Variants in KIF1A observed in about 807,000 individuals in gnomAD.
KIF1A encodes kinesin family member 1A.
A neutral mutation model predicts 227.3 loss-of-function variants in KIF1A; 46 were observed. That is an observed-to-expected ratio of 0.20 (90% confidence interval 0.16 to 0.26). The LOEUF is 0.26. Ranked by LOEUF, KIF1A falls within the 10% of genes least tolerant of loss-of-function variation. KIF1A has a pLI of 1.00. For missense variants in KIF1A, 1,683 were observed against 2,485.9 expected (o/e 0.68, Z 6.87); for synonymous variants, 1,022 against 1,012.8 (o/e 1.01, Z -0.17).
At chr2:240,803,254 A>C (rs1414904540) in intron 1 of KIF1A, among the ~76,000 whole-genome samples, 1 of 152,222 alleles carries the variant, frequency 6.6e-6, no homozygotes, top group Non-Finnish European at 1.5e-5. Context: ...AAGGTAGCTA[A>C]AGCCGGACTG....
rs1445448033 is a variant in KIF1A at position 240,774,272 on chromosome 2, A to G, written c.959-11T>C. The G allele has an allele frequency of 6.2e-7, 1 of 1,602,308 alleles. No homozygotes were observed. The highest frequency in any genetic ancestry group is 8.5e-7 in the Non-Finnish European group (1 of 1,170,074). ...TCCTTGAGTTACCGCCTGTGGGAAG[A>G]AGACCAGGTTGTGCCCAGAGGGGGA... is the stretch of plus-strand genomic sequence containing the variant. On this transcript the variant is annotated splice_polypyrimidine_tract_variant and intron_variant, in intron 11 of 48. Transcript: ENST00000498729.
rs1023822787 is a variant in KIF1A, at chr2:240,793,547, T to C, written c.106+4100A>G. Among the ~76,000 whole-genome samples, 1 of 152,020 alleles carries C rather than the reference T, an allele frequency of 6.6e-6. No individual in the cohort carries two copies. Among genetic ancestry groups the C allele is most frequent in the African/African-American group, 2.4e-5 (1 of 41,376 alleles). ...GTCCTCCGGTCCTCAGGGCAGAGAA[T>C]GTGAGGAGAGAGGAGGAGGACGGAA... On this transcript the variant is annotated intron_variant, in intron 2 of 48. Transcript: ENST00000498729. This position sits in a 1 kb window ranked among gnomAD's most constrained non-coding sequence, Gnocchi z 4.8.
intron 18 of KIF1A, 76 bp downstream of exon 18, chr2:240,767,190 G>A (rs1008614767): frequency 5.4e-6 from 7 of 1,308,320 alleles, no homozygotes; most frequent in South Asian, 2.5e-5. Flanking sequence ...GCAGAAGCAG[G>A]AATGGGGAGT....
intron 38 of KIF1A, 66 bp from the exon 39 acceptor site, chr2:240,727,006 C>G (rs1180625249): frequency 1.1e-6 from 1 of 923,970 alleles, no homozygotes; most frequent in Non-Finnish European, 1.7e-6. Flanking sequence ...AGGCCGGGGA[C>G]ATGCAGACAG....
intron 1 of KIF1A, among the ~76,000 whole-genome samples, chr2:240,815,860 G>A (rs1380032893): frequency 2.0e-5 from 3 of 152,188 alleles, no homozygotes; most frequent in African/African-American, 7.2e-5. Flanking sequence ...CTGGCTCAGT[G>A]GGGTCCGAGC....
In KIF1A at chr2:240,786,429, G is replaced by A. The variant is rs2126071499; in HGVS notation, c.514C>T (p.Pro172Ser). ...NKGNLRVREH[P>S]LLGPYVEDLS... is the part of the protein sequence containing the mutation. ...TCCTCCACGTAGGGCCCCAGCAGTG[G>A]GTGCTCCCTCACGCGAAGGTTGCCC... Residue 172 changes from proline to serine, a missense_variant, in exon 6 of 49, where the codon CCA becomes TCA. Pro to Ser is a moderately conservative substitution (Grantham distance 74). Transcript: ENST00000498729. The A allele has an allele frequency of 6.2e-7, 1 of 1,613,668 alleles. No individual in the cohort carries two copies.
chr2:240,747,314 T>G lies in KIF1A; in HGVS notation c.2985A>C (p.Glu995Asp). 6.2e-7 allele frequency: 1 copy of G among 1,612,944 alleles called. No homozygotes were observed. The highest frequency in any genetic ancestry group is 8.5e-7 in the Non-Finnish European group (1 of 1,179,266). ...CGCCAGAGCCATAATCAGGGGCCTC[T>G]TCATCGGCTGCAGGAGAAACAGAGC... ...RVAVQAISADEEAPDYGSGVR... is the reference protein window; with the variant it reads ...RVAVQAISADDEAPDYGSGVR... Residue 995 changes from glutamate (E) to aspartate (D), a missense_variant, in exon 29 of 49, where the codon GAA (glutamate) becomes GAC (aspartate). Physicochemically the swap from Glu to Asp is conservative, Grantham distance 45. This residue lies in a region of KIF1A where 759 missense variants were observed against 1,020.2 expected (regional missense o/e 0.74). Transcript: ENST00000498729.
chr2:240,788,212 C>T lies in KIF1A; in HGVS notation c.202G>A (p.Ala68Thr), dbSNP rs761950783. Residue 68 changes from alanine to threonine, a missense_variant, in exon 4 of 49, where the codon GCG becomes ACG. Coordinates refer to ENST00000498729, the MANE Select transcript of KIF1A (RefSeq NM_001244008.2). The surrounding 1 kb of genome is among the most constrained non-coding windows in gnomAD (Gnocchi z 6.6). ...SHTSPEDINY[A>T]SQKQVYRDIG... Reference sequence around the variant, plus strand: ...TCCCGGTACACCTGCTTCTGCGACGCGTAGTTGATGTCCTCAGGCTGGAGG... The same window carrying T: ...TCCCGGTACACCTGCTTCTGCGACGTGTAGTTGATGTCCTCAGGCTGGAGG... The T allele has an allele frequency of 1.2e-5, 20 of 1,613,698 alleles. No individual in the cohort carries two copies. Among genetic ancestry groups the T allele is most frequent in the South Asian group, 5.5e-5 (5 of 91,054 alleles).
chr2:240,766,079 TC>T lies in KIF1A; in HGVS notation c.1685-287del, dbSNP rs1171017524. Among the ~76,000 whole-genome samples, 8 of 152,166 alleles carry T rather than the reference TC, an allele frequency of 5.3e-5. No homozygotes were observed. Among genetic ancestry groups the T allele is most frequent in the Admixed American group, 1.3e-4 (2 of 15,272 alleles). On this transcript the variant is annotated intron_variant, in intron 19 of 48. Transcript: ENST00000498729. This position sits in a 1 kb window ranked among gnomAD's most constrained non-coding sequence, Gnocchi z 5.0. Reference sequence around the variant, plus strand: ...CTAATCACCCAGGGCCCTGTCCAGCTCCCCAGGTGGACAAGGATAAAAACAC... The same window carrying T: ...CTAATCACCCAGGGCCCTGTCCAGCTCCCAGGTGGACAAGGATAAAAACAC...
At chr2:240,800,346 G>A (rs1037199971) in intron 1 of KIF1A, among the ~76,000 whole-genome samples, 2 of 152,212 alleles carry the variant, frequency 1.3e-5, no homozygotes, top group Admixed American at 1.3e-4. Context: ...AAGGCGGCTT[G>A]GTGGGTGCAG....
chr2:240,787,224 C>A (rs200224735), intron 5 of KIF1A, 27 bp downstream of exon 5: 2 of 1,588,824 alleles, frequency 1.3e-6, no homozygotes, highest in South Asian at 1.1e-5. Flanking sequence ...CCTGCCCCAG[C>A]GGCCAACGGC....
intron 38 of KIF1A, among the ~76,000 whole-genome samples, chr2:240,729,908 CA>C (rs1233513814): frequency 6.6e-6 from 1 of 152,212 alleles, no homozygotes; most frequent in Non-Finnish European, 1.5e-5. Context: ...GACATGGGCA[CA>C]GCCATGGTGC....
intron 38 of KIF1A, among the ~76,000 whole-genome samples, chr2:240,734,292 G>A (rs547632828): frequency 8.5e-5 from 13 of 152,336 alleles, no homozygotes; most frequent in African/African-American, 2.2e-4. Flanking sequence ...AGAGGGGAGC[G>A]GGGCTGGTCC....
intron 10 of KIF1A, chr2:240,782,140 C>T (rs2054120577): frequency 1.0e-6 from 1 of 985,286 alleles, no homozygotes; most frequent in Non-Finnish European, 1.2e-6. Flanking sequence ...ACACGTGGCG[C>T]GCTCCGCGGC....
intron 29 of KIF1A, among the ~76,000 whole-genome samples, chr2:240,746,863 G>A (rs1387962021): frequency 6.6e-6 from 1 of 152,230 alleles, no homozygotes; most frequent in African/African-American, 2.4e-5. Flanking sequence ...CAGGCGAAGG[G>A]GGCAGTGGGA....
At chr2:240,782,697 G>T in intron 9 of KIF1A, 90 bp from the exon 10 acceptor site, 2 of 1,352,830 alleles carry the variant, frequency 1.5e-6, no homozygotes, top group Non-Finnish European at 2.1e-6. Flanking sequence ...CGGCTGCCTC[G>T]CCCTGGCCAT....
chr2:240,804,955 G>T (rs4455151), intron 1 of KIF1A, among the ~76,000 whole-genome samples: 56,376 of 150,310 alleles, frequency 0.38, 11,256 homozygotes, highest in African/African-American at 0.52. Flanking sequence ...ACCAAACACT[G>T]GGAGAAGCAA....
At chr2:240,774,005 C>G (rs766589509) in intron 12 of KIF1A, among the ~76,000 whole-genome samples, 178 bp downstream of exon 12, 3 of 152,230 alleles carry the variant, frequency 2.0e-5, no homozygotes, top group Admixed American at 6.5e-5. Context: ...GGGAATAGAA[C>G]AGGGCCTATG....
chr2:240,734,952 G>T (rs975137457), intron 38 of KIF1A, among the ~76,000 whole-genome samples: 1 of 152,184 alleles, frequency 6.6e-6, no homozygotes, highest in African/African-American at 2.4e-5. Context: ...GCCAGAAGCC[G>T]GGGATCCTGA....
Sources: allele counts gnomAD v4.1 joint callset (sites outside exome capture counted in the v4.1 genomes callset), GRCh38; gene constraint gnomAD v4.1.1; regional missense constraint gnomAD v4.1.1; non-coding constraint Gnocchi (gnomAD v3.1); transcripts MANE v1.5; gene names NCBI Gene and HGNC (gene_info 2026-07-23, HGNC 2026-07-21).